SORCS1: variants seen among roughly 807,000 people sequenced by gnomAD.
The protein encoded by SORCS1 is VPS10 domain-containing receptor SorCS1.
In SORCS1, 60 loss-of-function variants were observed where a neutral mutation model predicts 146.1. That is an observed-to-expected ratio of 0.41 (90% CI 0.33 to 0.51). The LOEUF (loss-of-function observed/expected upper bound fraction) is 0.51. Ranked by LOEUF, SORCS1 falls within the 20% of genes least tolerant of loss-of-function variation. The probability of loss-of-function intolerance (pLI) is 0.21; values close to 1 mark genes in which losing one functional copy is unlikely to be tolerated. For synonymous variants in SORCS1, 637 were observed against 584.0 expected (o/e 1.09, Z -1.31); for missense variants, 1,352 against 1,487.6 (o/e 0.91, Z 1.50).
At chr10:107,132,404 C>A (rs1966926730) in intron 1 of SORCS1, among the ~76,000 whole-genome samples, 1 of 152,214 alleles carries the variant, frequency 6.6e-6, no homozygotes, top group South Asian at 2.1e-4. Flanking sequence ...CACAACATAG[C>A]ACTTAATTTT....
chr10:106,966,193 A>G (rs1955487975), intron 1 of SORCS1, among the ~76,000 whole-genome samples: 1 of 152,196 alleles, frequency 6.6e-6, no homozygotes, highest in Non-Finnish European at 1.5e-5. Context: ...TCAAAGGGGA[A>G]AGAAATCAAT....
intron 24 of SORCS1, among the ~76,000 whole-genome samples, chr10:106,580,968 G>A (rs1018800451): frequency 1.4e-4 from 21 of 152,122 alleles, no homozygotes; most frequent in Non-Finnish European, 2.8e-4. Flanking sequence ...GTTTTGAAAT[G>A]GGAATATGTA....
At chr10:107,175,768 A>C in the SORCS1 span, among the ~76,000 whole-genome samples, 2 of 151,998 alleles carry the variant, frequency 1.3e-5, no homozygotes, top group East Asian at 3.9e-4. Context: ...GTTTTGGTAC[A>C]TTGTGTTTTT....
At chr10:106,648,026 C>A (rs556901302) in intron 18 of SORCS1, among the ~76,000 whole-genome samples, 1 of 143,356 alleles carries the variant, frequency 7.0e-6, no homozygotes, top group South Asian at 2.4e-4. Context: ...CGACACCACG[C>A]CTGGCTATTT....
intron 3 of SORCS1, among the ~76,000 whole-genome samples, chr10:106,783,215 GC>G (rs1272533553): frequency 1.3e-5 from 2 of 152,174 alleles, no homozygotes; most frequent in South Asian, 2.1e-4. Context: ...CCCTGCTAAA[GC>G]TTTAAACTAA....
chr10:106,584,775 T>C (rs180718483), intron 24 of SORCS1, among the ~76,000 whole-genome samples: 1 of 152,306 alleles, frequency 6.6e-6, no homozygotes, highest in East Asian at 1.9e-4. Flanking sequence ...GCATTGTTTC[T>C]GAATTTAAAC....
At chr10:107,033,154 T>C (rs984826744) in intron 1 of SORCS1, among the ~76,000 whole-genome samples, 2 of 152,106 alleles carry the variant, frequency 1.3e-5, no homozygotes, top group Non-Finnish European at 2.9e-5. Flanking sequence ...AACAAGCACA[T>C]ATTCTCACAG....
At chr10:106,824,640 T>C (rs1260183715) in intron 3 of SORCS1, among the ~76,000 whole-genome samples, 1 of 145,376 alleles carries the variant, frequency 6.9e-6, no homozygotes, top group Non-Finnish European at 1.5e-5. Flanking sequence ...CTCAACCAAA[T>C]GACAAGAGGA....
chr10:106,706,179 C>T (rs1854504792), intron 8 of SORCS1, among the ~76,000 whole-genome samples: 1 of 124,768 alleles, frequency 8.0e-6, no homozygotes, highest in African/African-American at 3.0e-5. Context: ...TAGCAACAAT[C>T]TCAGAGACAG....
chr10:106,969,785 C>T (rs950341349), intron 1 of SORCS1, among the ~76,000 whole-genome samples: 3 of 152,172 alleles, frequency 2.0e-5, no homozygotes, highest in African/African-American at 2.4e-5. Flanking sequence ...CTGGAACAAT[C>T]GACACCTCCT....
At chr10:106,685,310 C>T (rs1182412484) in intron 10 of SORCS1, among the ~76,000 whole-genome samples, 1 of 152,132 alleles carries the variant, frequency 6.6e-6, no homozygotes, top group East Asian at 1.9e-4. Context: ...TACCACATGG[C>T]AGGTATGATT....
chr10:107,082,697 G>A (rs12775605), intron 1 of SORCS1, among the ~76,000 whole-genome samples: 34,292 of 151,936 alleles, frequency 0.23, 4,218 homozygotes, highest in Middle Eastern at 0.43. Context: ...GGCCAGTCTC[G>A]AACTCCTGAG....
chr10:107,120,543 C>T (rs1966340275), intron 1 of SORCS1, among the ~76,000 whole-genome samples: 1 of 151,994 alleles, frequency 6.6e-6, no homozygotes, highest in African/African-American at 2.4e-5. Context: ...TAGACAGAGA[C>T]CAAAGACTTA....
chr10:106,790,315 A>G (rs1395044383), intron 3 of SORCS1, among the ~76,000 whole-genome samples: 1 of 152,202 alleles, frequency 6.6e-6, no homozygotes, highest in Admixed American at 6.5e-5. Context: ...ACAGAAAGCC[A>G]ATCACTGAGA....
intron 14 of SORCS1, 112 bp from the exon 15 acceptor site, chr10:106,673,097 A>G: frequency 2.7e-6 from 2 of 750,190 alleles, no homozygotes; most frequent in East Asian, 2.8e-5. Flanking sequence ...TACATGAATC[A>G]TATCATTTAA....
chr10:107,002,197 G>GT (rs1166391246), intron 1 of SORCS1, among the ~76,000 whole-genome samples: 1 of 152,186 alleles, frequency 6.6e-6, no homozygotes, highest in Admixed American at 6.5e-5. Flanking sequence ...TTACTTTGTG[G>GT]TTTTGAATAT....
At chr10:106,778,732 A>G (rs12258108) in intron 3 of SORCS1, among the ~76,000 whole-genome samples, 7,144 of 152,254 alleles carry the variant, frequency 0.047, 271 homozygotes, top group East Asian at 0.11. Flanking sequence ...AATATGAAGA[A>G]GCTCAATTTT....
intron 25 of SORCS1, chr10:106,579,111 T>A: frequency 6.2e-7 from 1 of 1,614,066 alleles, no homozygotes; most frequent in Non-Finnish European, 8.5e-7. Context: ...GGATTCCACC[T>A]TCTCATCTAT....
chr10:107,013,319 T>C (rs529973513), intron 1 of SORCS1, among the ~76,000 whole-genome samples: 2 of 152,122 alleles, frequency 1.3e-5, no homozygotes, highest in African/African-American at 4.8e-5. Context: ...GCAAGAAACC[T>C]TGCAGAAGTT....
Sources: gnomAD v4.1 joint callset for allele counts (sites outside exome capture counted in the v4.1 genomes callset) on GRCh38, gnomAD v4.1.1 for gene constraint, MANE v1.5 for transcripts, NCBI Gene and HGNC (gene_info 2026-07-23, HGNC 2026-07-21) for gene names.